The following ACOT12 variants were observed in gnomAD, a reference collection of about 807,000 sequenced individuals.
ACOT12 encodes the protein acetyl-coenzyme A thioesterase.
A neutral mutation model predicts 67.7 loss-of-function variants in ACOT12; 51 were observed. That is an observed-to-expected ratio of 0.75 (90% confidence interval 0.60 to 0.95). The LOEUF (loss-of-function observed/expected upper bound fraction) is 0.95. Ranked by LOEUF, ACOT12 falls within the 40% of genes least tolerant of loss-of-function variation. The probability of loss-of-function intolerance (pLI) is 0.00; values close to 1 mark genes in which losing one functional copy is unlikely to be tolerated. For synonymous variants in ACOT12, 251 were observed against 244.6 expected, an observed-to-expected ratio of 1.03 and a Z score of -0.24; for missense variants, 734 against 708.1, an observed-to-expected ratio of 1.04 and a Z score of -0.41.
intron 11 of ACOT12, among the ~76,000 whole-genome samples, chr5:81,341,109 G>T (rs1210230412): frequency 6.6e-6 from 1 of 152,194 alleles, no homozygotes; most frequent in African/African-American, 2.4e-5. Flanking sequence ...GCTCATGAAT[G>T]CTCAGATGCC....
chr5:81,319,493 G>A, the ACOT12 span, among the ~76,000 whole-genome samples: 21 of 152,282 alleles, frequency 1.4e-4, no homozygotes, highest in Middle Eastern at 3.4e-3. Flanking sequence ...CAAGGCGGGC[G>A]GATTATCTGA....
chr5:81,348,232 G>T (rs1201272669), intron 5 of ACOT12, among the ~76,000 whole-genome samples: 1 of 152,192 alleles, frequency 6.6e-6, no homozygotes, highest in Non-Finnish European at 1.5e-5. Context: ...TGAGTTGTTT[G>T]TGGTGGGGTA....
At chr5:81,312,393 A>C in the ACOT12 span, 1 of 614,440 alleles carries the variant, frequency 1.6e-6, no homozygotes, top group African/African-American at 1.9e-5. Context: ...ATAATCAATT[A>C]CAGAATTGCT....
intron 1 of ACOT12, among the ~76,000 whole-genome samples, chr5:81,389,980 G>T (rs1450753658): frequency 1.4e-5 from 2 of 145,544 alleles, no homozygotes; most frequent in South Asian, 2.3e-4. Flanking sequence ...TTTGAGACAG[G>T]GTCTTGCTCT....
intron 5 of ACOT12, among the ~76,000 whole-genome samples, chr5:81,359,390 C>T (rs919282646): frequency 3.3e-5 from 5 of 152,144 alleles, no homozygotes; most frequent in Non-Finnish European, 7.4e-5. Flanking sequence ...GGAAGTGTGG[C>T]TCATAAAACG....
chr5:81,360,016 A>G lies in ACOT12; in HGVS notation c.383T>C (p.Leu128Pro). Residue 128 changes from leucine to proline, a missense_variant, in exon 5 of 15, where the codon CTT becomes CCT. Coordinates refer to ENST00000307624, the MANE Select transcript of ACOT12 (RefSeq NM_130767.3). ...KEKIHLKPVTLLTEQDHVEHN... is the reference protein window; with the variant it reads ...KEKIHLKPVTPLTEQDHVEHN... Reference sequence around the variant, plus strand: ...TTCCACATGATCTTGTTCAGTTAGAAGTGTGACTGGTTTTAAATGAATCTA... The same window carrying G: ...TTCCACATGATCTTGTTCAGTTAGAGGTGTGACTGGTTTTAAATGAATCTA... 3 of 1,606,882 alleles carry G rather than the reference A, an allele frequency of 1.9e-6. No homozygotes were observed. Among genetic ancestry groups the G allele is most frequent in the Non-Finnish European group, 2.5e-6 (3 of 1,178,566 alleles).
chr5:81,351,577 A>G (rs745660239), intron 5 of ACOT12, among the ~76,000 whole-genome samples: 2 of 152,200 alleles, frequency 1.3e-5, no homozygotes, highest in East Asian at 3.8e-4. Flanking sequence ...CTAGACCACT[A>G]TCTCTTACCA....
At chr5:81,386,353 T>C (rs1760725117) in intron 1 of ACOT12, among the ~76,000 whole-genome samples, 1 of 152,220 alleles carries the variant, frequency 6.6e-6, no homozygotes, top group African/African-American at 2.4e-5. Context: ...AGTAGATATT[T>C]AGTCAATATT....
chr5:81,330,642 C>T, intron 14 of ACOT12, 99 bp from the exon 15 acceptor site: 1 of 1,495,802 alleles, frequency 6.7e-7, no homozygotes, highest in Non-Finnish European at 9.0e-7. Flanking sequence ...GGCTAAGACC[C>T]TAATCTTCTG....
chr5:81,309,053 C>A, the ACOT12 span: 7 of 1,568,708 alleles, frequency 4.5e-6, no homozygotes, highest in South Asian at 8.2e-5. Context: ...GTACTGTTAC[C>A]CTCATATAGC....
chr5:81,310,882 A>C, the ACOT12 span, among the ~76,000 whole-genome samples: 1 of 152,212 alleles, frequency 6.6e-6, no homozygotes, highest in Admixed American at 6.5e-5. Flanking sequence ...CCAAGGGTTC[A>C]CAGACTCTTG....
chr5:81,364,530 C>A (rs1760016351), intron 3 of ACOT12, among the ~76,000 whole-genome samples: 1 of 152,016 alleles, frequency 6.6e-6, no homozygotes, highest in Non-Finnish European at 1.5e-5. Context: ...CGGGTTCAAG[C>A]CATTCTCTTG....
chr5:81,386,975 C>A (rs1760739905), intron 1 of ACOT12, among the ~76,000 whole-genome samples: 1 of 147,402 alleles, frequency 6.8e-6, no homozygotes, highest in Non-Finnish European at 1.5e-5. Flanking sequence ...GATTTCCAGA[C>A]ACTGAGTTGG....
At position 81,369,939 on chromosome 5, in the gene ACOT12, C is replaced by A. The variant is rs1283633080; in HGVS notation, c.258+1811G>T. On this transcript the variant is annotated intron_variant, in intron 3 of 14. Coordinates refer to ENST00000307624, the MANE Select transcript of ACOT12 (RefSeq NM_130767.3). ...TTTTCTTCACGACATTTCCTTTCTG[C>A]TTTCTTCAAGTGCTTTGTATTCTGC... is the stretch of plus-strand genomic sequence containing the variant. 2.0e-5 allele frequency among the ~76,000 whole-genome samples: 3 copies of A among 152,256 alleles called. No homozygotes were observed. In the East Asian group the frequency reaches 5.8e-4, roughly 29 times the overall value.
chr5:81,361,561 C>T (rs1238244342), intron 4 of ACOT12, among the ~76,000 whole-genome samples: 3 of 152,078 alleles, frequency 2.0e-5, no homozygotes, highest in Non-Finnish European at 4.4e-5. Flanking sequence ...TACAAGACTG[C>T]TTGGTAAACT....
chr5:81,337,724 A>G (rs1198897596), intron 11 of ACOT12, among the ~76,000 whole-genome samples: 1 of 152,218 alleles, frequency 6.6e-6, no homozygotes, highest in Non-Finnish European at 1.5e-5. Context: ...CCCTGCTGAC[A>G]TCTTGGTCTC....
At position 81,358,350 on chromosome 5, in the gene ACOT12, A is replaced by G. The variant is rs546361861; in HGVS notation, c.496+1553T>C. ...TCCTTGGGATTTAAGGGATGAGGAG[A>G]CAGCAGGGTTTTGTTTTTTATTAAT... On this transcript the variant is annotated intron_variant, in intron 5 of 14. Transcript: ENST00000307624. Among the ~76,000 whole-genome samples, 6 of 152,294 alleles carry G rather than the reference A, an allele frequency of 3.9e-5. No individual in the cohort carries two copies. The East Asian group carries it at 9.7e-4, about 25-fold the overall frequency.
In ACOT12 at chr5:81,360,826, TGAG is replaced by T. The variant is rs556788452; in HGVS notation, c.361-791_361-789del. On this transcript the variant is annotated intron_variant, in intron 4 of 14. Transcript: ENST00000307624. Reference sequence around the variant, plus strand: ...CTATAATCCCAGCACTTTGTGGGGCTGAGGTGGGTGAATCACTTGAGGTCAGGT... The same window carrying T: ...CTATAATCCCAGCACTTTGTGGGGCTGTGGGTGAATCACTTGAGGTCAGGT... 5.7e-4 allele frequency among the ~76,000 whole-genome samples: 86 copies of T among 152,166 alleles called. 2 individuals are homozygous for T. In the South Asian group the frequency reaches 0.017, roughly 31 times the overall value.
At chr5:81,363,152 G>A (rs1759970003) in intron 4 of ACOT12, among the ~76,000 whole-genome samples, 1 of 152,012 alleles carries the variant, frequency 6.6e-6, no homozygotes, top group African/African-American at 2.4e-5. Flanking sequence ...CCCTCCTCCA[G>A]GCACCCTGAC....
Sources: gnomAD v4.1 joint callset for allele counts (sites outside exome capture counted in the v4.1 genomes callset) on GRCh38, gnomAD v4.1.1 for gene constraint, MANE v1.5 for transcripts, NCBI Gene and HGNC (gene_info 2026-07-23, HGNC 2026-07-21) for gene names.